Variants in THTPA observed in about 807,000 individuals in gnomAD.
THTPA encodes thiamine triphosphatase.
THTPA carries 16 observed loss-of-function variants against 16.5 expected under a neutral mutation model. That is an observed-to-expected ratio of 0.97 (90% confidence interval 0.66 to 1.47). THTPA has a LOEUF of 1.47. Among genes scored for constraint, THTPA ranks in the 40% most tolerant of loss-of-function variants. The pLI is 0.00. For missense variants in THTPA, 281 were observed against 280.9 expected (o/e 1.00, Z 0.00); for synonymous variants, 110 against 115.5 (o/e 0.95, Z 0.30).
the THTPA span, among the ~76,000 whole-genome samples, chr14:23,542,473 G>A: frequency 3.9e-5 from 6 of 152,320 alleles, no homozygotes; most frequent in South Asian, 1.2e-3. Context: ...GACTTGGAAA[G>A]TGTTGGATGT....
Position 23,558,911 on chromosome 14 carries a change from C to G in THTPA, c.*71C>G, listed in dbSNP as rs1251688473. The G allele has an allele frequency of 1.3e-6, 2 of 1,578,194 alleles. No individual in the cohort carries two copies. Among genetic ancestry groups the G allele is most frequent in the Non-Finnish European group, 1.7e-6 (2 of 1,157,780 alleles). On this transcript the variant is annotated 3_prime_UTR_variant, in exon 2 of 2. Transcript: ENST00000288014. ...GTCCACTCCTGGGCCCACTGTGCCT[C>G]TCCCCTCAGTGTCCCTTCTGACAGT...
the THTPA span, chr14:23,521,692 T>G: frequency 1.4e-5 from 6 of 442,732 alleles, no homozygotes; most frequent in East Asian, 4.1e-5. Context: ...GGTGCCAAGA[T>G]GGGTGTATGT....
In THTPA at chr14:23,558,991, C is replaced by G; in HGVS notation, c.*151C>G. ...CTTCCCCCTCCTCTAAGCTACTCTT[C>G]CTTGAGCCCTCCCTGGCTGCTTCCT... is the stretch of plus-strand genomic sequence containing the variant. On this transcript the variant is annotated 3_prime_UTR_variant, in exon 2 of 2. Coordinates refer to ENST00000288014, the MANE Select transcript of THTPA (RefSeq NM_024328.6). The G allele has an allele frequency of 1.1e-6, 1 of 940,016 alleles. No individual in the cohort carries two copies. Among genetic ancestry groups the G allele is most frequent in the Non-Finnish European group, 1.6e-6 (1 of 642,684 alleles). 58.2% of individuals were successfully genotyped at this position (940,016 alleles called of 1,614,324 possible).
At chr14:23,523,018 CCA>C in the THTPA span, 1 of 1,419,770 alleles carries the variant, frequency 7.0e-7, no homozygotes. This position sits in a 1 kb window ranked among gnomAD's most constrained non-coding sequence, Gnocchi z 4.1. Flanking sequence ...CCACCTCCAG[CCA>C]CACACACCCG....
chr14:23,528,561 G>A, the THTPA span: 1 of 973,296 alleles, frequency 1.0e-6, no homozygotes, highest in Admixed American at 6.2e-5. Context: ...GGCATTTTCT[G>A]GACCCAGAGG....
chr14:23,516,057 G>C, the THTPA span, among the ~76,000 whole-genome samples: 8 of 152,234 alleles, frequency 5.3e-5, no homozygotes, highest in East Asian at 1.3e-3. Context: ...GTTGGTCCCT[G>C]GGTGCTGAAG....
the THTPA span, chr14:23,530,493 C>T: frequency 1.7e-6 from 1 of 588,508 alleles, no homozygotes; most frequent in Non-Finnish European, 3.2e-6. Context: ...AGCTCCCTGT[C>T]TTAAATGACC....
chr14:23,534,595 A>T, the THTPA span: 1 of 1,536,174 alleles, frequency 6.5e-7, no homozygotes, highest in Non-Finnish European at 8.7e-7. The surrounding 1 kb of genome is among the most constrained non-coding windows in gnomAD (Gnocchi z 4.5). Context: ...GCTGAAACCC[A>T]GGCGGCACAG....
At chr14:23,517,736 T>C in the THTPA span, among the ~76,000 whole-genome samples, 1 of 151,746 alleles carries the variant, frequency 6.6e-6, no homozygotes, top group African/African-American at 2.4e-5. Context: ...AGGAGGGGAG[T>C]GGACCCCTCA....
the THTPA span, chr14:23,530,086 T>G: frequency 6.6e-7 from 1 of 1,511,380 alleles, no homozygotes; most frequent in Non-Finnish European, 8.9e-7. Flanking sequence ...TCTCAGAAGG[T>G]AGGAGGACTG....
chr14:23,515,472 C>A, the THTPA span, among the ~76,000 whole-genome samples: 2 of 152,156 alleles, frequency 1.3e-5, no homozygotes, highest in East Asian at 3.9e-4. Flanking sequence ...TCTTTGAAAT[C>A]CATCCCAAGA....
the THTPA span, among the ~76,000 whole-genome samples, chr14:23,546,731 G>A: frequency 6.6e-6 from 1 of 152,158 alleles, no homozygotes. This position sits in a 1 kb window ranked among gnomAD's most constrained non-coding sequence, Gnocchi z 4.7. Flanking sequence ...AAGAAAGATG[G>A]AAAAATCAAT....
the THTPA span, chr14:23,531,577 G>A: frequency 9.8e-6 from 15 of 1,524,866 alleles, no homozygotes; most frequent in East Asian, 9.9e-5. Flanking sequence ...AGCTGCAGAC[G>A]CCTCTGGGCC....
the THTPA span, among the ~76,000 whole-genome samples, chr14:23,539,541 C>T: frequency 6.6e-6 from 1 of 152,070 alleles, no homozygotes; most frequent in African/African-American, 2.4e-5. Flanking sequence ...GACTTAAGGA[C>T]CGGAGAATTA....
the THTPA span, chr14:23,524,027 G>A: frequency 1.4e-5 from 21 of 1,514,214 alleles, no homozygotes; most frequent in South Asian, 8.7e-5. The surrounding 1 kb of genome is among the most constrained non-coding windows in gnomAD (Gnocchi z 5.6). Flanking sequence ...AGAAGCAAGC[G>A]TGGCAGTGGG....
chr14:23,550,536 G>A, the THTPA span, among the ~76,000 whole-genome samples: 11 of 152,176 alleles, frequency 7.2e-5, no homozygotes, highest in South Asian at 2.1e-4. Context: ...TGGATGGGAT[G>A]GAAGAGACAA....
At chr14:23,530,096 G>T in the THTPA span, 5 of 1,527,812 alleles carry the variant, frequency 3.3e-6, no homozygotes, top group African/African-American at 1.4e-5. Context: ...TAGGAGGACT[G>T]GGGGGAAGGG....
At chr14:23,527,690 G>T in the THTPA span, 1 of 1,536,296 alleles carries the variant, frequency 6.5e-7, no homozygotes, top group Admixed American at 2.0e-5. Flanking sequence ...CCCACCAGCT[G>T]TTCCTGGCAC....
the THTPA span, chr14:23,525,082 G>C: frequency 6.5e-7 from 1 of 1,536,136 alleles, no homozygotes. The surrounding 1 kb of genome is among the most constrained non-coding windows in gnomAD (Gnocchi z 5.9). Flanking sequence ...CTCCGTCTTT[G>C]GGGTAGGCGC....
Sources: gnomAD v4.1 joint callset for allele counts (sites outside exome capture counted in the v4.1 genomes callset) on GRCh38, gnomAD v4.1.1 for gene constraint, Gnocchi (gnomAD v3.1) non-coding constraint, MANE v1.5 for transcripts, NCBI Gene and HGNC (gene_info 2026-07-23, HGNC 2026-07-21) for gene names.